DCHS2: variants seen among roughly 807,000 people sequenced by gnomAD.
The protein encoded by DCHS2 is dachsous cadherin-related 2.
In DCHS2, 142 loss-of-function variants were observed where a neutral mutation model predicts 182.4. The observed-to-expected ratio is 0.78, with a 90% CI of 0.68 to 0.89. The LOEUF is 0.89. Ranked by LOEUF, DCHS2 falls within the 40% of genes least tolerant of loss-of-function variation. The pLI, the probability that DCHS2 is intolerant of heterozygous loss-of-function variation, is 0.00. For missense variants in DCHS2, 4,319 were observed against 4,198.6 expected, an observed-to-expected ratio of 1.03 and a Z score of -0.79; for synonymous variants, 1,740 against 1,663.3, an observed-to-expected ratio of 1.05 and a Z score of -1.12.
chr4:154,428,959 T>A (rs6828176), intron 1 of DCHS2, among the ~76,000 whole-genome samples: 1 of 150,908 alleles, frequency 6.6e-6, no homozygotes. Context: ...TGATAGAGAA[T>A]CAAAAGAAGG....
At position 154,332,500 on chromosome 4, in the gene DCHS2, G is replaced by C; in HGVS notation, c.3708C>G (p.Phe1236Leu). The change falls in exon 5 of 20, where the codon TTC becomes TTG. Residue 1236 changes from phenylalanine to leucine, a missense_variant. Transcript: ENST00000357232. ...LLYFLLSDGK[F>L]FKMNPNTGEL... ...TACCTGTATTAGGATTCATCTTGAA[G>C]AATTTTCCATCAGACAAAAGGAAAT... 1 of 1,613,158 alleles carries C rather than the reference G, an allele frequency of 6.2e-7. No individual in the cohort carries two copies. The highest frequency in any genetic ancestry group is 8.5e-7 in the Non-Finnish European group (1 of 1,179,466).
chr4:154,440,646 T>C (rs1041140204), intron 1 of DCHS2, among the ~76,000 whole-genome samples: 1 of 152,160 alleles, frequency 6.6e-6, no homozygotes, highest in Non-Finnish European at 1.5e-5. Context: ...CAAAATGAAA[T>C]TCTAAGAAAG....
At chr4:154,371,526 C>T (rs1730645301) in intron 2 of DCHS2, among the ~76,000 whole-genome samples, 1 of 152,074 alleles carries the variant, frequency 6.6e-6, no homozygotes, top group Non-Finnish European at 1.5e-5. Context: ...ATGGTAGAAG[C>T]ATTTCGAAGG....
intron 6 of DCHS2, among the ~76,000 whole-genome samples, chr4:154,328,894 AGCTTC>A: frequency 6.6e-6 from 1 of 152,216 alleles, no homozygotes; most frequent in East Asian, 1.9e-4. Flanking sequence ...CTGGAACAGT[AGCTTC>A]TAAACTTTTC....
chr4:154,243,940 A>T (rs1282696098), intron 16 of DCHS2, among the ~76,000 whole-genome samples: 1 of 152,128 alleles, frequency 6.6e-6, no homozygotes, highest in Non-Finnish European at 1.5e-5. Flanking sequence ...TTGGCTCTCC[A>T]TGTCTCTAAG....
intron 1 of DCHS2, among the ~76,000 whole-genome samples, chr4:154,442,473 C>T (rs1341997736): frequency 6.8e-6 from 1 of 147,732 alleles, no homozygotes; most frequent in Non-Finnish European, 1.5e-5. Context: ...CCCCTATGTT[C>T]TCACCCTCTT....
intron 13 of DCHS2, among the ~76,000 whole-genome samples, chr4:154,271,392 G>C (rs190473036): frequency 1.3e-5 from 2 of 152,280 alleles, no homozygotes; most frequent in African/African-American, 4.8e-5. Context: ...GCATAACCAA[G>C]GGAGTGTGGC....
At chr4:154,444,120 T>A (rs1002461151) in intron 1 of DCHS2, among the ~76,000 whole-genome samples, 1 of 152,116 alleles carries the variant, frequency 6.6e-6, no homozygotes, top group African/African-American at 2.4e-5. Context: ...CTCTTTCCTA[T>A]TTACATTCAA....
chr4:154,246,294 G>T (rs912339248), intron 16 of DCHS2, among the ~76,000 whole-genome samples: 1 of 152,108 alleles, frequency 6.6e-6, no homozygotes. Flanking sequence ...GAATGCCTTT[G>T]GTTCATACTT....
chr4:154,368,820 G>A (rs1730513990), intron 2 of DCHS2, among the ~76,000 whole-genome samples: 2 of 152,122 alleles, frequency 1.3e-5, no homozygotes, highest in African/African-American at 2.4e-5. Flanking sequence ...TTTGTTGCCG[G>A]TAGGGTAAGC....
chr4:154,297,076 T>G (rs918738365), intron 13 of DCHS2, among the ~76,000 whole-genome samples: 10 of 152,220 alleles, frequency 6.6e-5, no homozygotes, highest in Admixed American at 2.0e-4. Flanking sequence ...AATGAGTTCA[T>G]GTTCCAAGCA....
At chr4:154,297,309 G>C (rs1157091793) in intron 13 of DCHS2, among the ~76,000 whole-genome samples, 1 of 152,086 alleles carries the variant, frequency 6.6e-6, no homozygotes, top group Admixed American at 6.5e-5. Context: ...CGTTATATTT[G>C]CTCTTCAAAG....
intron 16 of DCHS2, among the ~76,000 whole-genome samples, chr4:154,253,453 T>TA (rs1190537727): frequency 6.6e-6 from 1 of 152,188 alleles, no homozygotes; most frequent in Non-Finnish European, 1.5e-5. Context: ...AGAAAGTCCT[T>TA]AAAATCAGAA....
At chr4:154,338,591 C>G (rs1331913340) in intron 3 of DCHS2, among the ~76,000 whole-genome samples, 1 of 152,112 alleles carries the variant, frequency 6.6e-6, no homozygotes, top group Non-Finnish European at 1.5e-5. Flanking sequence ...TGTTCACACT[C>G]AATAACTCAG....
intron 1 of DCHS2, among the ~76,000 whole-genome samples, chr4:154,431,774 T>A (rs1454263832): frequency 6.6e-6 from 1 of 152,192 alleles, no homozygotes; most frequent in Non-Finnish European, 1.5e-5. Flanking sequence ...CCAGACTCCA[T>A]GGGCCTTCAG....
chr4:154,241,356 TCTGA>T (rs763648844), intron 17 of DCHS2, among the ~76,000 whole-genome samples: 9 of 152,150 alleles, frequency 5.9e-5, no homozygotes, highest in Non-Finnish European at 1.3e-4. Context: ...TTTTCTTAAA[TCTGA>T]CTCTCAAAAT....
chr4:154,414,208 G>GAT (rs142957194), intron 1 of DCHS2, among the ~76,000 whole-genome samples: 25,264 of 150,516 alleles, frequency 0.17, 2,207 homozygotes, highest in East Asian at 0.25. Flanking sequence ...GAGAGAGAGA[G>GAT]ATATAGATAT....
In DCHS2 at chr4:154,470,171, A is replaced by G. The variant is rs533004801; in HGVS notation, c.2052+19133T>C. Reference sequence around the variant, plus strand: ...GAGAGATAAGAGAAAGAAAGGAAGGAATCTCTTAATATTCAACAATTTTTA... The same window carrying G: ...GAGAGATAAGAGAAAGAAAGGAAGGGATCTCTTAATATTCAACAATTTTTA... On this transcript the variant is annotated intron_variant, in intron 1 of 19. Transcript: ENST00000357232. Among the ~76,000 whole-genome samples the G allele has an allele frequency of 3.9e-5, 6 of 152,294 alleles. No homozygotes were observed. In the East Asian group the frequency reaches 1.2e-3, roughly 29 times the overall value.
chr4:154,486,570 C>G lies in DCHS2; in HGVS notation c.2052+2734G>C, dbSNP rs138351395. On this transcript the variant is annotated intron_variant, in intron 1 of 19. Coordinates refer to ENST00000357232, the MANE Select transcript of DCHS2 (RefSeq NM_001358235.2). ...TGGCAACAGAAAGAAGGTACAGTTACAAGGAATGTATGTAATGTCATTAAG... is the reference window on the plus strand; with the variant it reads ...TGGCAACAGAAAGAAGGTACAGTTAGAAGGAATGTATGTAATGTCATTAAG... The G allele has an allele frequency of 3.3e-3, 4,274 of 1,295,720 alleles. 21 individuals carry two copies. Among genetic ancestry groups the G allele is most frequent in the Middle Eastern group, 9.5e-3 (43 of 4,532 alleles). The allele number at this position is 1,295,720 out of a possible 1,614,324, so 80.3% of individuals were successfully genotyped here.
Sources: gnomAD v4.1 joint callset for allele counts (sites outside exome capture counted in the v4.1 genomes callset) on GRCh38, gnomAD v4.1.1 for gene constraint, MANE v1.5 for transcripts, NCBI Gene and HGNC (gene_info 2026-07-23, HGNC 2026-07-21) for gene names.